Variants in MARCHF6 observed in about 807,000 individuals in gnomAD.
MARCHF6 encodes the protein membrane associated ring-CH-type finger 6.
In MARCHF6, 31 loss-of-function variants were observed where a neutral mutation model predicts 133.7. The ratio of observed to expected loss-of-function variants is 0.23; its 90% CI spans 0.17 to 0.31. The LOEUF (loss-of-function observed/expected upper bound fraction) is 0.31, where lower values mean the gene tolerates loss of function less well. Ranked by LOEUF, MARCHF6 falls within the 10% of genes least tolerant of loss-of-function variation. The pLI is 1.00. For missense variants in MARCHF6, 723 were observed against 1,121.6 expected, an observed-to-expected ratio of 0.64 and a Z score of 5.08; for synonymous variants, 395 against 402.5, an observed-to-expected ratio of 0.98 and a Z score of 0.22.
intron 5 of MARCHF6, 147 bp downstream of exon 5, chr5:10,387,213 T>A (rs1737534898): frequency 2.0e-6 from 1 of 512,192 alleles, no homozygotes; most frequent in Non-Finnish European, 3.5e-6. Context: ...ATAGCTGCAG[T>A]AGAAGTAGCT....
intron 19 of MARCHF6, among the ~76,000 whole-genome samples, chr5:10,411,979 C>T (rs1482278817): frequency 6.6e-6 from 1 of 152,200 alleles, no homozygotes; most frequent in Non-Finnish European, 1.5e-5. Context: ...AATCTTTGTG[C>T]ACCTCAGAAT....
chr5:10,436,061 T>C lies in MARCHF6; in HGVS notation c.*2377T>C, dbSNP rs563909992. 17 of 152,488 alleles carry C rather than the reference T, an allele frequency of 1.1e-4. No individual in the cohort carries two copies. The highest frequency in any genetic ancestry group is 9.8e-4 in the Admixed American group (15 of 15,266). The allele number at this position is 152,488 out of a possible 1,614,324, so 9.4% of individuals were successfully genotyped here. ...TTGGGTTTTTTGTTTTGTTTTGTTT[T>C]GTTTTTTAATTTTTCAAAGAATTTG... On this transcript the variant is annotated 3_prime_UTR_variant, in exon 26 of 26. Coordinates refer to ENST00000274140, the MANE Select transcript of MARCHF6 (RefSeq NM_005885.4).
rs926535363 is a variant in MARCHF6, at chr5:10,438,870, A to G, written c.*5186A>G. ...GCCATTACTCTTTCAGCCTTCTGCAATCTAGTTCTACTTAGTCACACACTT... is the reference window on the plus strand; with the variant it reads ...GCCATTACTCTTTCAGCCTTCTGCAGTCTAGTTCTACTTAGTCACACACTT... On this transcript the variant is annotated 3_prime_UTR_variant, in exon 26 of 26. Transcript: ENST00000274140. 6.6e-6 allele frequency: 1 copy of G among 152,218 alleles called. No individual in the cohort carries two copies. Among genetic ancestry groups the G allele is most frequent in the Non-Finnish European group, 1.5e-5 (1 of 68,038 alleles). The allele number at this position is 152,218 out of a possible 1,614,324, so 9.4% of individuals were successfully genotyped here.
At chr5:10,370,402 G>A (rs1053623751) in intron 1 of MARCHF6, among the ~76,000 whole-genome samples, 3 of 152,026 alleles carry the variant, frequency 2.0e-5, no homozygotes, top group South Asian at 2.1e-4. Flanking sequence ...CATATCTGGC[G>A]TTACTGTGAT....
rs1740803956 is a variant in MARCHF6, at chr5:10,440,190, A to G, written c.*6506A>G. 1 of 152,228 alleles carries G rather than the reference A, an allele frequency of 6.6e-6. No individual in the cohort carries two copies. Among genetic ancestry groups the G allele is most frequent in the Non-Finnish European group, 1.5e-5 (1 of 68,040 alleles). The allele number at this position is 152,228 out of a possible 1,614,324, so 9.4% of individuals were successfully genotyped here. Reference sequence around the variant, plus strand: ...GTATTCCCAGAACAATTCCCTGGCAAATATTTGGTACTCAATAGTAATGCT... The same window carrying G: ...GTATTCCCAGAACAATTCCCTGGCAGATATTTGGTACTCAATAGTAATGCT... On this transcript the variant is annotated 3_prime_UTR_variant, in exon 26 of 26. Transcript: ENST00000274140.
intron 19 of MARCHF6, among the ~76,000 whole-genome samples, 181 bp downstream of exon 19, chr5:10,411,718 CA>C (rs1489789861): frequency 6.6e-6 from 1 of 152,140 alleles, no homozygotes; most frequent in Non-Finnish European, 1.5e-5. Context: ...AGAGATAAGT[CA>C]AAGAGTTGGG....
At chr5:10,407,024 G>C in intron 16 of MARCHF6, 78 bp from the exon 17 acceptor site, 1 of 754,412 alleles carries the variant, frequency 1.3e-6, no homozygotes. Context: ...TATTGCTTGA[G>C]TGTGCTCAGA....
Position 10,436,442 on chromosome 5 carries a change from C to T in MARCHF6, c.*2758C>T, listed in dbSNP as rs936633899. The T allele has an allele frequency of 6.6e-6, 1 of 152,224 alleles. No individual in the cohort carries two copies. The highest frequency in any genetic ancestry group is 3.4e-3 in the Middle Eastern group (1 of 294). 9.4% of individuals were successfully genotyped at this position (152,224 alleles called of 1,614,324 possible). On this transcript the variant is annotated 3_prime_UTR_variant, in exon 26 of 26. Coordinates refer to ENST00000274140, the MANE Select transcript of MARCHF6 (RefSeq NM_005885.4). ...TTTTAAATATTGAAAACCCATAGTTCAGAAAATGTTAGTATTGCTGCCCTT... is the reference window on the plus strand; with the variant it reads ...TTTTAAATATTGAAAACCCATAGTTTAGAAAATGTTAGTATTGCTGCCCTT...
chr5:10,358,521 T>A (rs933137823), intron 1 of MARCHF6, among the ~76,000 whole-genome samples: 5 of 152,192 alleles, frequency 3.3e-5, no homozygotes, highest in Non-Finnish European at 7.3e-5. Context: ...TTGTCATTAT[T>A]CCTCAAACAA....
intron 5 of MARCHF6, among the ~76,000 whole-genome samples, chr5:10,387,758 C>T (rs1280794881): frequency 6.6e-6 from 1 of 152,046 alleles, no homozygotes; most frequent in African/African-American, 2.4e-5. Flanking sequence ...GCAACTTCTG[C>T]CTTCTGGGTC....
intron 1 of MARCHF6, among the ~76,000 whole-genome samples, chr5:10,365,687 T>G (rs1579523890): frequency 6.6e-6 from 1 of 152,210 alleles, no homozygotes; most frequent in African/African-American, 2.4e-5. Context: ...AAGGAAATAT[T>G]TTTTGTAAAA....
chr5:10,417,067 A>G (rs1739553800), intron 21 of MARCHF6, among the ~76,000 whole-genome samples: 1 of 152,198 alleles, frequency 6.6e-6, no homozygotes, highest in Non-Finnish European at 1.5e-5. Flanking sequence ...GATTGTGAGA[A>G]AAAAACAGCC....
At chr5:10,356,830 C>G (rs1302914478) in intron 1 of MARCHF6, among the ~76,000 whole-genome samples, 2 of 152,112 alleles carry the variant, frequency 1.3e-5, no homozygotes, top group Admixed American at 1.3e-4. Context: ...CTGATGGTAC[C>G]ATATATGATA....
Position 10,394,163 on chromosome 5 carries a change from A to T in MARCHF6, c.828+20A>T, listed in dbSNP as rs957431864. The stretch of plus-strand genomic sequence containing the variant: ...GAAAGAGTAAGACCTTTTTCTGTCA[A>T]GTATCCTGGTGTTTTAATCCTAAAA... On this transcript the variant is annotated intron_variant, in intron 8 of 25. Transcript: ENST00000274140. The T allele has an allele frequency of 6.7e-7, 1 of 1,500,264 alleles. No individual in the cohort carries two copies. Among genetic ancestry groups the T allele is most frequent in the South Asian group, 1.3e-5 (1 of 76,058 alleles). The allele number at this position is 1,500,264 out of a possible 1,614,324, so 92.9% of individuals were successfully genotyped here.
At chr5:10,405,331 C>T (rs189841201) in intron 15 of MARCHF6, among the ~76,000 whole-genome samples, 2 of 151,728 alleles carry the variant, frequency 1.3e-5, no homozygotes, top group East Asian at 3.9e-4. Flanking sequence ...TTTTTTCCCC[C>T]GCCCCTAGTG....
At chr5:10,355,085 A>C (rs896848974) in intron 1 of MARCHF6, among the ~76,000 whole-genome samples, 4 of 152,186 alleles carry the variant, frequency 2.6e-5, no homozygotes, top group Non-Finnish European at 5.9e-5. Context: ...AGGCTTCGTT[A>C]TTTTAATAGC....
chr5:10,395,770 C>G (rs184534093), intron 9 of MARCHF6, among the ~76,000 whole-genome samples: 2 of 152,184 alleles, frequency 1.3e-5, no homozygotes. Context: ...CATCTGTCTC[C>G]TTTGCTGTCC....
At chr5:10,357,966 CTT>C (rs34017407) in intron 1 of MARCHF6, among the ~76,000 whole-genome samples, 281 of 108,466 alleles carry the variant, frequency 2.6e-3, no homozygotes, top group South Asian at 4.9e-3. Flanking sequence ...GCATGGGTTG[CTT>C]TTTTTTTTTT....
chr5:10,402,626 A>G lies in MARCHF6; in HGVS notation c.1197+19A>G. The G allele has an allele frequency of 6.3e-7, 1 of 1,583,758 alleles. No individual in the cohort carries two copies. ...TTCCTTGGTAAGTTGAGTATTCATT[A>G]TTGTATAATAGCATAATTTAAGGGC... On this transcript the variant is annotated intron_variant, in intron 14 of 25. Coordinates refer to ENST00000274140, the MANE Select transcript of MARCHF6 (RefSeq NM_005885.4).
Sources: gnomAD v4.1 joint callset for allele counts (sites outside exome capture counted in the v4.1 genomes callset) on GRCh38, gnomAD v4.1.1 for gene constraint, MANE v1.5 for transcripts, NCBI Gene and HGNC (gene_info 2026-07-23, HGNC 2026-07-21) for gene names.